The following NFIB variants were observed in gnomAD, a reference collection of about 807,000 sequenced individuals.
NFIB encodes nuclear factor I B.
Under a neutral mutation model 61.5 loss-of-function variants are expected in NFIB, and 11 were observed. The ratio of observed to expected loss-of-function variants is 0.18; its 90% CI spans 0.11 to 0.30. The LOEUF (loss-of-function observed/expected upper bound fraction) is 0.30, where lower values mean the gene tolerates loss of function less well. Ranked by LOEUF, NFIB falls within the 10% of genes least tolerant of loss-of-function variation. The pLI is 1.00. For synonymous variants in NFIB, 260 were observed against 216.5 expected, an observed-to-expected ratio of 1.20 and a Z score of -1.76; for missense variants, 471 against 608.9, an observed-to-expected ratio of 0.77 and a Z score of 2.38.
chr9:14,164,884 A>C (rs2044607161), intron 3 of NFIB, among the ~76,000 whole-genome samples: 2 of 152,114 alleles, frequency 1.3e-5, no homozygotes, highest in Admixed American at 1.3e-4. Flanking sequence ...AACTCTTTTA[A>C]AAGTTCCCCC....
chr9:14,269,386 A>G (rs1451234571), intron 2 of NFIB, among the ~76,000 whole-genome samples: 1 of 152,210 alleles, frequency 6.6e-6, no homozygotes, highest in Non-Finnish European at 1.5e-5. Context: ...GGATCAAACT[A>G]TAATCGTGTC....
Position 14,252,569 on chromosome 9 carries a change from T to C in NFIB, c.562+54420A>G, listed in dbSNP as rs915020460. ...CAGAAACTGCTTCAGTTATAATATG[T>C]AAAAGAAAAAGAACTGTAATGACTG... On this transcript the variant is annotated intron_variant, in intron 2 of 10. Coordinates refer to ENST00000380953, the MANE Select transcript of NFIB (RefSeq NM_001190737.2). 3.3e-5 allele frequency among the ~76,000 whole-genome samples: 5 copies of C among 152,084 alleles called. No individual in the cohort carries two copies. The East Asian group carries it at 7.7e-4, about 23-fold the overall frequency.
intron 2 of NFIB, among the ~76,000 whole-genome samples, chr9:14,213,120 A>G (rs1208547341): frequency 2.0e-5 from 3 of 152,216 alleles, no homozygotes; most frequent in Non-Finnish European, 4.4e-5. Context: ...AAGGTAATAT[A>G]GCATATAATT....
At chr9:14,220,842 TACACACACACACACACAC>T (rs138623129) in intron 2 of NFIB, among the ~76,000 whole-genome samples, 144 of 123,094 alleles carry the variant, frequency 1.2e-3, no homozygotes, top group African/African-American at 4.3e-3. Context: ...TCAATCTCCC[TACACACACACACACACAC>T]ACACACACAC....
the NFIB span, among the ~76,000 whole-genome samples, chr9:14,419,208 A>AT: frequency 1.3e-5 from 2 of 149,228 alleles, no homozygotes; most frequent in African/African-American, 5.0e-5. Flanking sequence ...CCTTTCAAAG[A>AT]TTTTTTTCCC....
At chr9:14,133,850 A>C (rs1414126202) in intron 6 of NFIB, among the ~76,000 whole-genome samples, 1 of 152,200 alleles carries the variant, frequency 6.6e-6, no homozygotes, top group East Asian at 1.9e-4. Flanking sequence ...GAATGACAGC[A>C]ATCCTTACTT....
chr9:14,438,011 AGTGTGT>A, the NFIB span, among the ~76,000 whole-genome samples: 3 of 150,116 alleles, frequency 2.0e-5, no homozygotes, highest in African/African-American at 4.9e-5. Flanking sequence ...CCCCCATCCT[AGTGTGT>A]GTGTGTGTGT....
At chr9:14,468,195 T>C in the NFIB span, among the ~76,000 whole-genome samples, 1 of 152,198 alleles carries the variant, frequency 6.6e-6, no homozygotes, top group Admixed American at 6.5e-5. Context: ...CATCAGAGCC[T>C]GGTTGTATAA....
At chr9:14,488,578 A>C in the NFIB span, among the ~76,000 whole-genome samples, 2,227 of 152,114 alleles carry the variant, frequency 0.015, 30 homozygotes, top group Middle Eastern at 0.024. Context: ...GGGCTCTGGG[A>C]AGCAAGAATA....
chr9:14,339,503 C>T (rs1331755752), intron 1 of NFIB, among the ~76,000 whole-genome samples: 1 of 152,174 alleles, frequency 6.6e-6, no homozygotes, highest in Non-Finnish European at 1.5e-5. Flanking sequence ...ATTATAATCA[C>T]TTCTTGTTCA....
At chr9:14,499,264 G>A in the NFIB span, among the ~76,000 whole-genome samples, 1 of 152,122 alleles carries the variant, frequency 6.6e-6, no homozygotes, top group African/African-American at 2.4e-5. Flanking sequence ...CTGATGTCTG[G>A]CTGAAAGGCT....
At chr9:14,119,765 A>G (rs2038680376) in intron 8 of NFIB, among the ~76,000 whole-genome samples, 1 of 152,196 alleles carries the variant, frequency 6.6e-6, no homozygotes. Context: ...ATTGTGGAAA[A>G]TGCTCATATA....
intron 2 of NFIB, among the ~76,000 whole-genome samples, chr9:14,229,198 G>A (rs554456726): frequency 3.5e-4 from 53 of 152,084 alleles, no homozygotes; most frequent in Non-Finnish European, 6.3e-4. Context: ...AAAGCTCATC[G>A]GTAAGTTAAT....
chr9:14,180,825 C>A (rs1369623265), intron 2 of NFIB: 1 of 152,102 alleles, frequency 6.6e-6, no homozygotes. Context: ...CAGTAAACGC[C>A]GGAGGAATGG....
At chr9:14,232,104 A>G (rs994073326) in intron 2 of NFIB, among the ~76,000 whole-genome samples, 4 of 152,110 alleles carry the variant, frequency 2.6e-5, no homozygotes, top group African/African-American at 9.7e-5. Context: ...TCTGTTTTTG[A>G]TTTTTAATGA....
At chr9:14,476,627 C>G in the NFIB span, among the ~76,000 whole-genome samples, 7 of 152,184 alleles carry the variant, frequency 4.6e-5, no homozygotes, top group African/African-American at 1.7e-4. Context: ...AAATTCCTGA[C>G]TTCTTTCTTA....
chr9:14,408,229 G>T, the NFIB span, among the ~76,000 whole-genome samples: 1 of 152,198 alleles, frequency 6.6e-6, no homozygotes, highest in Non-Finnish European at 1.5e-5. Flanking sequence ...GGAACTGGAA[G>T]ATCATTAAGA....
At chr9:14,182,706 C>CTGTGTGTG (rs1179906800) in intron 2 of NFIB, among the ~76,000 whole-genome samples, 1 of 124,794 alleles carries the variant, frequency 8.0e-6, no homozygotes, top group African/African-American at 3.1e-5. Flanking sequence ...CTCTCTCTCT[C>CTGTGTGTG]TCTGTGTGTG....
At position 14,353,467 on chromosome 9, in the gene NFIB, G is replaced by A. The variant is rs73417801; in HGVS notation, c.108+45057C>T. Among the ~76,000 whole-genome samples the A allele has an allele frequency of 8.5e-3, 1,288 of 152,226 alleles. 14 individuals carry two copies. The highest frequency in any genetic ancestry group is 0.03 in the African/African-American group (1,226 of 41,544). ...CCTGGAGAGGGGTCTCTGAACTGCT[G>A]CATCCCTGCACCCTGAGAATCTGAG... On this transcript the variant is annotated intron_variant, in intron 1 of 8. Coordinates refer to the NFIB transcript ENST00000380934.
Sources: allele counts gnomAD v4.1 joint callset (sites outside exome capture counted in the v4.1 genomes callset), GRCh38; gene constraint gnomAD v4.1.1; transcripts MANE v1.5; gene names NCBI Gene and HGNC (gene_info 2026-07-23, HGNC 2026-07-21).